Variants in RAB5IF observed in about 807,000 individuals in gnomAD.
RAB5IF encodes GEL complex subunit OPTI.
RAB5IF carries 15 observed loss-of-function variants against 20.3 expected under a neutral mutation model. The observed-to-expected ratio is 0.74, with a 90% CI of 0.50 to 1.14. RAB5IF has a LOEUF of 1.14. RAB5IF is among the 50% of genes most tolerant of loss of function. RAB5IF has a pLI of 0.00. For synonymous variants in RAB5IF, 67 were observed against 63.7 expected, an observed-to-expected ratio of 1.05 and a Z score of -0.25; for missense variants, 148 against 159.5, an observed-to-expected ratio of 0.93 and a Z score of 0.39.
chr20:36,606,728 G>A (rs1375272496), intron 1 of RAB5IF, among the ~76,000 whole-genome samples: 1 of 152,174 alleles, frequency 6.6e-6, no homozygotes, highest in Non-Finnish European at 1.5e-5. Flanking sequence ...AATTGGTTGG[G>A]ACTTCAGAAC....
In RAB5IF at chr20:36,612,243, A is replaced by T; in HGVS notation, c.*192A>T. ...ACCTGAAACTTTTTAAAAACCACCCACCTTTGGGGAAGCATTTCTGAATTT... is the reference window on the plus strand; with the variant it reads ...ACCTGAAACTTTTTAAAAACCACCCTCCTTTGGGGAAGCATTTCTGAATTT... On this transcript the variant is annotated 3_prime_UTR_variant, in exon 4 of 4. Transcript: ENST00000344795. 1 of 1,607,130 alleles carries T rather than the reference A, an allele frequency of 6.2e-7. No individual in the cohort carries two copies. Among genetic ancestry groups the T allele is most frequent in the Non-Finnish European group, 8.5e-7 (1 of 1,173,762 alleles).
chr20:36,612,331 G>C lies in RAB5IF; in HGVS notation c.*280G>C, dbSNP rs1250846226. On this transcript the variant is annotated 3_prime_UTR_variant, in exon 4 of 4. Coordinates refer to ENST00000344795, the MANE Select transcript of RAB5IF (RefSeq NM_018840.5). ...TAACAGCTATTATTTGCCAAGTGGA[G>C]CTGTCATTTAATTTGATGCACCTCT... The C allele has an allele frequency of 9.7e-7, 1 of 1,033,602 alleles. No homozygotes were observed. Among genetic ancestry groups the C allele is most frequent in the Admixed American group, 1.9e-5 (1 of 52,188 alleles). The allele number at this position is 1,033,602 out of a possible 1,614,324, so 64.0% of individuals were successfully genotyped here.
In RAB5IF at chr20:36,609,156, T is replaced by TACATACACACACACACAC; in HGVS notation, c.219-442_219-441insTACACACACACACACACA. On this transcript the variant is annotated intron_variant, in intron 2 of 3. Transcript: ENST00000344795. Reference sequence around the variant, plus strand: ...TTCAAGGGGCTTTGGAGAACTATATTACACACACACACACACACACACACA... The same window carrying TACATACACACACACACAC: ...TTCAAGGGGCTTTGGAGAACTATATTACATACACACACACACACACACACACACACACACACACACACA... Among the ~76,000 whole-genome samples, 42 of 17,064 alleles carry TACATACACACACACACAC rather than the reference T, an allele frequency of 2.5e-3. 2 individuals are homozygous for TACATACACACACACACAC. The highest frequency in any genetic ancestry group is 0.042 in the Middle Eastern group (1 of 24). 11.2% of individuals were successfully genotyped at this position (17,064 alleles called of 152,430 possible). A position where few individuals can be genotyped will look rare whatever the true frequency, so the allele number is the denominator to read the frequency against.
chr20:36,610,208 C>T (rs564088532), intron 3 of RAB5IF, among the ~76,000 whole-genome samples: 33 of 151,778 alleles, frequency 2.2e-4, no homozygotes, highest in African/African-American at 7.0e-4. Context: ...CGCTTGAACC[C>T]GGGAGGCGGA....
intron 2 of RAB5IF, among the ~76,000 whole-genome samples, chr20:36,609,189 A>ACG (rs1568595404): frequency 1.9e-5 from 1 of 51,962 alleles, no homozygotes; most frequent in Non-Finnish European, 3.7e-5. Context: ...ACACACACAC[A>ACG]CACACGCACA....
intron 1 of RAB5IF, among the ~76,000 whole-genome samples, 150 bp from the exon 2 acceptor site, chr20:36,607,561 ATAAG>A (rs1177980832): frequency 5.9e-5 from 9 of 152,168 alleles, no homozygotes; most frequent in Admixed American, 2.6e-4. Flanking sequence ...ACATTTTAGT[ATAAG>A]TAAGAGGTGA....
intron 2 of RAB5IF, among the ~76,000 whole-genome samples, chr20:36,608,665 G>A (rs2038991810): frequency 6.7e-6 from 1 of 149,458 alleles, no homozygotes; most frequent in Non-Finnish European, 1.5e-5. Context: ...TCAGGTTCAA[G>A]CAATTCTTCT....
At chr20:36,609,211 GCACACACGCACACACACACACACACACA>G (rs2039032959) in intron 2 of RAB5IF, among the ~76,000 whole-genome samples, 1 of 36,586 alleles carries the variant, frequency 2.7e-5, no homozygotes, top group Non-Finnish European at 5.1e-5. Flanking sequence ...ACGCACACAC[GCACACACGCACACACACACACACACACA>G]CACACACACA....
chr20:36,609,482 C>T (rs558866401), intron 2 of RAB5IF, 119 bp from the exon 3 acceptor site: 57 of 1,404,236 alleles, frequency 4.1e-5, no homozygotes, highest in African/African-American at 2.1e-4. Flanking sequence ...GCAAGTGATC[C>T]GCCCACCTCA....
chr20:36,611,190 A>G (rs1490843002), intron 3 of RAB5IF, among the ~76,000 whole-genome samples: 1 of 151,924 alleles, frequency 6.6e-6, no homozygotes, highest in Non-Finnish European at 1.5e-5. Flanking sequence ...GGGTTTCATC[A>G]TGTTGGCCAG....
intron 1 of RAB5IF, among the ~76,000 whole-genome samples, chr20:36,607,057 C>A (rs1178811117): frequency 2.0e-5 from 3 of 152,142 alleles, no homozygotes; most frequent in African/African-American, 7.2e-5. Flanking sequence ...AGATCAGAAA[C>A]CTGAGTCGTC....
intron 3 of RAB5IF, 127 bp from the exon 4 acceptor site, chr20:36,611,883 G>A: frequency 1.6e-6 from 2 of 1,233,570 alleles, no homozygotes; most frequent in Admixed American, 1.9e-5. Flanking sequence ...GACCCCCCAA[G>A]CAGACTGTGC....
chr20:36,609,762 C>T (rs540540506), intron 3 of RAB5IF, 32 bp downstream of exon 3: 5 of 1,613,950 alleles, frequency 3.1e-6, no homozygotes, highest in South Asian at 1.1e-5. Context: ...ACAACAGGTA[C>T]TGTTCATTTC....
chr20:36,609,215 A>ACACG (rs200403038), intron 2 of RAB5IF, among the ~76,000 whole-genome samples: 1 of 77,222 alleles, frequency 1.3e-5, no homozygotes, highest in Non-Finnish European at 2.5e-5. Context: ...ACACACGCAC[A>ACACG]CACGCACACA....
At position 36,612,434 on chromosome 20, in the gene RAB5IF, A is replaced by G. The variant is rs182263194; in HGVS notation, c.*383A>G. ...GTTTTTAAACTATCAATGGCATTTC[A>G]AGTCTTCTGAAACAGCATGGCTGTA... On this transcript the variant is annotated 3_prime_UTR_variant, in exon 4 of 4. Coordinates refer to ENST00000344795, the MANE Select transcript of RAB5IF (RefSeq NM_018840.5). 1.7e-6 allele frequency: 1 copy of G among 598,798 alleles called. No homozygotes were observed. The highest frequency in any genetic ancestry group is 2.8e-5 in the East Asian group (1 of 35,202). The allele number at this position is 598,798 out of a possible 1,614,324, so 37.1% of individuals were successfully genotyped here. A position where few individuals can be genotyped will look rare whatever the true frequency, so the allele number is the denominator to read the frequency against.
At chr20:36,611,448 ATAGC>A (rs1286979445) in intron 3 of RAB5IF, among the ~76,000 whole-genome samples, 1 of 147,932 alleles carries the variant, frequency 6.8e-6, no homozygotes, top group East Asian at 2.0e-4. Context: ...AAAAAAAAAA[ATAGC>A]TAGGAGTGGT....
chr20:36,606,164 A>G, intron 1 of RAB5IF, 99 bp downstream of exon 1: 1 of 737,292 alleles, frequency 1.4e-6, no homozygotes, highest in Non-Finnish European at 2.0e-6. Flanking sequence ...GTTCCGGCAC[A>G]ATCGAGTAGG....
chr20:36,608,596 C>G (rs1486878906), intron 2 of RAB5IF, among the ~76,000 whole-genome samples: 1 of 124,396 alleles, frequency 8.0e-6, no homozygotes, highest in African/African-American at 3.1e-5. Context: ...CAGAGTCTTT[C>G]TCTGTCGCCC....
intron 2 of RAB5IF, among the ~76,000 whole-genome samples, chr20:36,609,198 C>CTATATT (rs1568595506): frequency 5.4e-4 from 29 of 53,306 alleles, no homozygotes; most frequent in Non-Finnish European, 9.9e-4. Context: ...CACACACGCA[C>CTATATT]ACACGCACAC....
Sources: allele counts gnomAD v4.1 joint callset (sites outside exome capture counted in the v4.1 genomes callset), GRCh38; gene constraint gnomAD v4.1.1; transcripts MANE v1.5; gene names NCBI Gene and HGNC (gene_info 2026-07-23, HGNC 2026-07-21).